The following RIN3 variants were observed in gnomAD, a reference collection of about 807,000 sequenced individuals.
RIN3 encodes the protein RAB5 interacting protein 3.
RIN3 carries 54 observed loss-of-function variants against 76.3 expected under a neutral mutation model. The observed-to-expected ratio is 0.71, with a 90% CI of 0.57 to 0.89. RIN3 has a LOEUF of 0.89. Among genes scored for constraint, RIN3 ranks in the 40% least tolerant of loss-of-function variants. The pLI, the probability that RIN3 is intolerant of heterozygous loss-of-function variation, is 0.00. For synonymous variants in RIN3, 576 were observed against 564.0 expected (o/e 1.02, Z -0.30); for missense variants, 1,256 against 1,322.1 (o/e 0.95, Z 0.78).
In RIN3 at chr14:92,592,622, C is replaced by T. The variant is rs1885019690; in HGVS notation, c.367+15145C>T. On this transcript the variant is annotated intron_variant, in intron 3 of 9. Transcript: ENST00000216487. ...AAGTACTATGTAAATAGTTGTTATA[C>T]TGTATTGCTTTTAAATTTTGTATTA... Among the ~76,000 whole-genome samples, 18 of 149,196 alleles carry T rather than the reference C, an allele frequency of 1.2e-4. No individual in the cohort carries two copies. In the South Asian group the frequency reaches 3.8e-3, roughly 32 times the overall value.
In RIN3 at chr14:92,555,849, G is replaced by A. The variant is rs762422877; in HGVS notation, c.143G>A (p.Arg48Gln). ...ANPKNCLPHR[R>Q]GISILEKLIK... ...CCGAAAAACTGCCTTCCTCACCGCC[G>A]GGGCATCAGCATCCTGGAGAAGCTC... Residue 48 changes from arginine to glutamine, a missense_variant, in exon 2 of 10, where the codon CGG (arginine) becomes CAG (glutamine). By Grantham distance (43) the Arg-to-Gln change is conservative (BLOSUM62 1). Coordinates refer to ENST00000216487, the MANE Select transcript of RIN3 (RefSeq NM_024832.5). 16 of 1,614,142 alleles carry A rather than the reference G, an allele frequency of 9.9e-6. No homozygotes were observed. Among genetic ancestry groups the A allele is most frequent in the South Asian group, 6.6e-5 (6 of 91,072 alleles).
Position 92,531,998 on chromosome 14 carries a change from G to A in RIN3, c.44+18022G>A, listed in dbSNP as rs552459683. ...GGCTGGAGTGCAGTGGTGTGATCTC[G>A]GCTCGCTGCAACCTCCGCCTCCTGG... On this transcript the variant is annotated intron_variant, in intron 1 of 9. Coordinates refer to ENST00000216487, the MANE Select transcript of RIN3 (RefSeq NM_024832.5). Among the ~76,000 whole-genome samples, 8 of 150,134 alleles carry A rather than the reference G, an allele frequency of 5.3e-5. No homozygotes were observed. The South Asian group carries it at 1.1e-3, about 20-fold the overall frequency.
chr14:92,630,568 G>A (rs1886539098), intron 4 of RIN3, among the ~76,000 whole-genome samples: 1 of 152,218 alleles, frequency 6.6e-6, no homozygotes, highest in Non-Finnish European at 1.5e-5. Flanking sequence ...ATAGGGGTTT[G>A]CTGGAGCAGC....
chr14:92,678,242 T>C (rs1595506280), intron 8 of RIN3, among the ~76,000 whole-genome samples: 1 of 117,124 alleles, frequency 8.5e-6, no homozygotes, highest in African/African-American at 3.3e-5. Flanking sequence ...ATGCATCCAC[T>C]CATCCACCTA....
intron 3 of RIN3, among the ~76,000 whole-genome samples, chr14:92,601,095 A>C (rs374793463): frequency 6.6e-6 from 1 of 152,226 alleles, no homozygotes; most frequent in South Asian, 2.1e-4. Context: ...ATAGGAAAAA[A>C]ATATGAAATG....
Position 92,685,149 on chromosome 14 carries a change from A to G in RIN3, c.2630A>G (p.Gln877Arg). 6.2e-7 allele frequency: 1 copy of G among 1,603,790 alleles called. No individual in the cohort carries two copies. Among genetic ancestry groups the G allele is most frequent in the Non-Finnish European group, 8.5e-7 (1 of 1,172,908 alleles). ...GCCCGGGCCTCCCGCTCCTCCGTACAGGTGAGGCCTGAGAGCGGGAGGGGC... is the reference window on the plus strand; with the variant it reads ...GCCCGGGCCTCCCGCTCCTCCGTACGGGTGAGGCCTGAGAGCGGGAGGGGC... ...NKARASRSSV[Q>R]DFICVSYLEP... The change falls in exon 9 of 10, where the codon CAG becomes CGG. Residue 877 changes from glutamine to arginine, a missense_variant and splice_region_variant. Coordinates refer to ENST00000216487, the MANE Select transcript of RIN3 (RefSeq NM_024832.5). The surrounding 1 kb of genome is among the most constrained non-coding windows in gnomAD (Gnocchi z 4.7).
chr14:92,592,714 C>T (rs1253934477), intron 3 of RIN3, among the ~76,000 whole-genome samples: 2 of 149,152 alleles, frequency 1.3e-5, no homozygotes, highest in South Asian at 2.1e-4. Context: ...CTTACTCTGT[C>T]GCCCAGGCTG....
Position 92,652,941 on chromosome 14 carries a change from T to G in RIN3, c.1892T>G (p.Met631Arg), listed in dbSNP as rs756485971. ...QDYKVYSLEM[M>R]ARQTSSTEML... ...TACAAGGTGTACAGCCTGGAGATGA[T>G]GGCGCGCCAGACCTCCAGCACGGAG... Residue 631 changes from methionine (M) to arginine (R), a missense_variant, in exon 6 of 10, where the codon ATG (methionine) becomes AGG (arginine). Physicochemically the swap from Met to Arg is moderately conservative, Grantham distance 91. This residue lies in a region of RIN3 where 428 missense variants were observed against 521.2 expected (regional missense o/e 0.82). Transcript: ENST00000216487. This position sits in a 1 kb window ranked among gnomAD's most constrained non-coding sequence, Gnocchi z 6.4. 8.7e-6 allele frequency: 14 copies of G among 1,613,854 alleles called. No homozygotes were observed. Among genetic ancestry groups the G allele is most frequent in the Middle Eastern group, 3.3e-4 (2 of 6,062 alleles).
In RIN3 at chr14:92,643,031, C is replaced by T. The variant is rs564003949; in HGVS notation, c.532+1702C>T. On this transcript the variant is annotated intron_variant, in intron 5 of 9. Transcript: ENST00000216487. The surrounding 1 kb of genome is among the most constrained non-coding windows in gnomAD (Gnocchi z 4.8). Reference sequence around the variant, plus strand: ...GAACCCAGGCCGTTTAGCTCCCACACCTGCCATCGTCTCATGGTGCCTCTT... The same window carrying T: ...GAACCCAGGCCGTTTAGCTCCCACATCTGCCATCGTCTCATGGTGCCTCTT... Among the ~76,000 whole-genome samples, 2 of 152,094 alleles carry T rather than the reference C, an allele frequency of 1.3e-5. No individual in the cohort carries two copies. The highest frequency in any genetic ancestry group is 1.9e-4 in the East Asian group (1 of 5,196).
intron 1 of RIN3, among the ~76,000 whole-genome samples, chr14:92,536,568 C>G (rs1404001069): frequency 6.6e-6 from 1 of 151,868 alleles, no homozygotes; most frequent in Non-Finnish European, 1.5e-5. Context: ...ATGGTGAAAC[C>G]CTGTCTCTAC....
In RIN3 at chr14:92,652,429, C is replaced by T. The variant is rs1027144097; in HGVS notation, c.1380C>T (p.Pro460=). The change falls in exon 6 of 10, where the codon CCC becomes CCT. Residue 460 remains proline, a synonymous_variant. Coordinates refer to ENST00000216487, the MANE Select transcript of RIN3 (RefSeq NM_024832.5). This position sits in a 1 kb window ranked among gnomAD's most constrained non-coding sequence, Gnocchi z 6.4. ...PRTAKQPPVP[P]PRKKRISRQL... ...CAGCCAAACAACCCCCAGTCCCGCCCCCCAGGAAAAAACGGATCTCTCGAC... is the reference window on the plus strand; with the variant it reads ...CAGCCAAACAACCCCCAGTCCCGCCTCCCAGGAAAAAACGGATCTCTCGAC... 5 of 1,613,952 alleles carry T rather than the reference C, an allele frequency of 3.1e-6. No individual in the cohort carries two copies. In the African/African-American group the frequency reaches 6.7e-5, roughly 22 times the overall value.
At chr14:92,628,677 G>A (rs1034054989) in intron 4 of RIN3, among the ~76,000 whole-genome samples, 1 of 152,198 alleles carries the variant, frequency 6.6e-6, no homozygotes, top group Non-Finnish European at 1.5e-5. Flanking sequence ...CCCTTAGCCA[G>A]TTGAATAGGA....
chr14:92,572,877 CTTT>C (rs763771909), intron 2 of RIN3, among the ~76,000 whole-genome samples: 3 of 100,100 alleles, frequency 3.0e-5, no homozygotes, highest in Non-Finnish European at 5.5e-5. Flanking sequence ...CTTTTTTTTG[CTTT>C]TTTTTTTTTT....
chr14:92,579,800 G>C (rs1898377612), intron 3 of RIN3, among the ~76,000 whole-genome samples: 1 of 152,250 alleles, frequency 6.6e-6, no homozygotes, highest in Admixed American at 6.5e-5. Context: ...ACTGGTATGG[G>C]AAACAGACAT....
At chr14:92,591,910 A>C (rs1884991653) in intron 3 of RIN3, among the ~76,000 whole-genome samples, 1 of 152,238 alleles carries the variant, frequency 6.6e-6, no homozygotes, top group Non-Finnish European at 1.5e-5. Flanking sequence ...CAGAGAAGGA[A>C]TAAGTGAAGG....
intron 4 of RIN3, among the ~76,000 whole-genome samples, chr14:92,628,813 C>T (rs1409166963): frequency 6.6e-6 from 1 of 152,110 alleles, no homozygotes; most frequent in Non-Finnish European, 1.5e-5. Flanking sequence ...AAAAAAGAAT[C>T]CCTTCCCATT....
In RIN3 at chr14:92,643,017, G is replaced by A. The variant is rs887918145; in HGVS notation, c.532+1688G>A. On this transcript the variant is annotated intron_variant, in intron 5 of 9. Coordinates refer to ENST00000216487, the MANE Select transcript of RIN3 (RefSeq NM_024832.5). The surrounding 1 kb of genome is among the most constrained non-coding windows in gnomAD (Gnocchi z 4.8). The stretch of plus-strand genomic sequence containing the variant: ...GGCAGAGCTTGGATGAACCCAGGCC[G>A]TTTAGCTCCCACACCTGCCATCGTC... Among the ~76,000 whole-genome samples, 6 of 151,916 alleles carry A rather than the reference G, an allele frequency of 3.9e-5. No homozygotes were observed. The highest frequency in any genetic ancestry group is 6.6e-5 in the Admixed American group (1 of 15,258).
chr14:92,651,206 C>T (rs772141329), intron 5 of RIN3, among the ~76,000 whole-genome samples: 4 of 152,166 alleles, frequency 2.6e-5, no homozygotes, highest in East Asian at 1.9e-4. Context: ...CCAGGCCTTC[C>T]GTCCCCTGTG....
chr14:92,649,969 C>T (rs1414385212), intron 5 of RIN3, among the ~76,000 whole-genome samples: 2 of 152,202 alleles, frequency 1.3e-5, no homozygotes. Context: ...AAGGCACCTG[C>T]TTACCCTGAT....
Sources: gnomAD v4.1 joint callset for allele counts (sites outside exome capture counted in the v4.1 genomes callset) on GRCh38, gnomAD v4.1.1 for gene constraint, gnomAD v4.1.1 regional missense constraint, Gnocchi (gnomAD v3.1) non-coding constraint, MANE v1.5 for transcripts, NCBI Gene and HGNC (gene_info 2026-07-23, HGNC 2026-07-21) for gene names.